The following TMEM132D variants were observed in gnomAD, a reference collection of about 807,000 sequenced individuals.
TMEM132D encodes the protein mature OL transmembrane protein.
Under a neutral mutation model 62.3 loss-of-function variants are expected in TMEM132D, and 21 were observed. The observed-to-expected ratio is 0.34, with a 90% CI of 0.24 to 0.49. TMEM132D has a LOEUF of 0.49. Ranked by LOEUF, TMEM132D falls within the 20% of genes least tolerant of loss-of-function variation. TMEM132D has a pLI of 0.99. For synonymous variants in TMEM132D, 621 were observed against 575.6 expected, an observed-to-expected ratio of 1.08 and a Z score of -1.13; for missense variants, 1,346 against 1,402.8, an observed-to-expected ratio of 0.96 and a Z score of 0.65.
chr12:129,574,222 G>T (rs907073588), intron 2 of TMEM132D, among the ~76,000 whole-genome samples: 4 of 151,946 alleles, frequency 2.6e-5, no homozygotes, highest in Non-Finnish European at 4.4e-5. Context: ...AGGATGAACA[G>T]ATTGATAGAT....
At chr12:129,823,576 C>T (rs1872589445) in intron 1 of TMEM132D, among the ~76,000 whole-genome samples, 1 of 152,206 alleles carries the variant, frequency 6.6e-6, no homozygotes, top group African/African-American at 2.4e-5. Context: ...GCACATTGGC[C>T]TTTCAGCCAT....
chr12:129,221,586 G>A (rs1357597741), intron 4 of TMEM132D, among the ~76,000 whole-genome samples: 1 of 152,132 alleles, frequency 6.6e-6, no homozygotes, highest in Non-Finnish European at 1.5e-5. Context: ...GATTTCTGCT[G>A]TAATGAGCTT....
chr12:129,320,309 A>G (rs1389669704), intron 4 of TMEM132D, among the ~76,000 whole-genome samples: 2 of 152,238 alleles, frequency 1.3e-5, no homozygotes, highest in Non-Finnish European at 2.9e-5. Flanking sequence ...CTCTGAGGAT[A>G]CTAATCAACC....
At chr12:129,801,107 T>A (rs1871763054) in intron 1 of TMEM132D, among the ~76,000 whole-genome samples, 1 of 152,000 alleles carries the variant, frequency 6.6e-6, no homozygotes, top group South Asian at 2.1e-4. Context: ...CAGTCTGAGA[T>A]CAAACTGCAA....
intron 1 of TMEM132D, among the ~76,000 whole-genome samples, chr12:129,869,761 G>A (rs1034410011): frequency 2.0e-5 from 3 of 152,166 alleles, no homozygotes; most frequent in Non-Finnish European, 4.4e-5. Context: ...GGAGATTTAC[G>A]TAAGAGGAGG....
chr12:129,699,235 A>G (rs1425020267), intron 2 of TMEM132D, among the ~76,000 whole-genome samples: 1 of 152,234 alleles, frequency 6.6e-6, no homozygotes, highest in East Asian at 1.9e-4. Flanking sequence ...ATATTCTTAT[A>G]TAAGAAACTC....
chr12:129,545,305 C>G (rs1374295630), intron 2 of TMEM132D, among the ~76,000 whole-genome samples: 2 of 152,192 alleles, frequency 1.3e-5, no homozygotes, highest in Admixed American at 6.5e-5. Flanking sequence ...ATTCCTGAAG[C>G]AAGATCTATG....
chr12:129,192,561 A>G (rs1347756205), intron 5 of TMEM132D, among the ~76,000 whole-genome samples: 1 of 152,194 alleles, frequency 6.6e-6, no homozygotes, highest in Non-Finnish European at 1.5e-5. Context: ...CATGAAAAAT[A>G]CCCCTTTTGG....
intron 3 of TMEM132D, among the ~76,000 whole-genome samples, chr12:129,397,464 T>A (rs1409054584): frequency 1.3e-5 from 2 of 152,150 alleles, no homozygotes; most frequent in Non-Finnish European, 2.9e-5. Context: ...CTACATGAAA[T>A]CTAGCTCTGG....
chr12:129,768,989 C>T (rs184615122), intron 1 of TMEM132D, among the ~76,000 whole-genome samples: 12 of 152,132 alleles, frequency 7.9e-5, no homozygotes, highest in Admixed American at 5.2e-4. Flanking sequence ...AAAAGCTCCT[C>T]GAGCCCACAT....
intron 5 of TMEM132D, among the ~76,000 whole-genome samples, chr12:129,129,044 T>A (rs1225611997): frequency 6.6e-6 from 1 of 152,192 alleles, no homozygotes; most frequent in African/African-American, 2.4e-5. Context: ...TACTTGGGTA[T>A]ATTGCATGAT....
chr12:129,600,782 A>C (rs968055700), intron 2 of TMEM132D, among the ~76,000 whole-genome samples: 1 of 152,072 alleles, frequency 6.6e-6, no homozygotes, highest in African/African-American at 2.4e-5. Flanking sequence ...TAAAATATTC[A>C]GTAGACAGAT....
intron 8 of TMEM132D, among the ~76,000 whole-genome samples, chr12:129,075,822 C>T (rs78964961): frequency 3.9e-5 from 6 of 152,176 alleles, no homozygotes; most frequent in African/African-American, 7.2e-5. Flanking sequence ...ATAGTTTGAC[C>T]AGGCAGATCA....
At chr12:129,431,732 T>C (rs568378458) in intron 3 of TMEM132D, among the ~76,000 whole-genome samples, 32 of 152,306 alleles carry the variant, frequency 2.1e-4, no homozygotes, top group African/African-American at 7.5e-4. Flanking sequence ...GTTTCCCATC[T>C]CACTCTGGGT....
chr12:129,099,788 G>A (rs1322909519), intron 5 of TMEM132D, among the ~76,000 whole-genome samples: 2 of 152,002 alleles, frequency 1.3e-5, no homozygotes, highest in Non-Finnish European at 1.5e-5. Flanking sequence ...CATTAAAAGT[G>A]GGAGCGAAAC....
intron 4 of TMEM132D, among the ~76,000 whole-genome samples, chr12:129,306,638 TC>T (rs1881852370): frequency 6.6e-6 from 1 of 152,208 alleles, no homozygotes; most frequent in South Asian, 2.1e-4. Context: ...TGGCAAATGA[TC>T]ATTATTTATG....
chr12:129,589,193 A>G (rs1475622954), intron 2 of TMEM132D, among the ~76,000 whole-genome samples: 1 of 152,118 alleles, frequency 6.6e-6, no homozygotes, highest in Admixed American at 6.5e-5. Context: ...TCATGGGGGT[A>G]GTTTACCCCA....
At chr12:129,861,423 GA>G (rs1340395857) in intron 1 of TMEM132D, among the ~76,000 whole-genome samples, 1 of 152,142 alleles carries the variant, frequency 6.6e-6, no homozygotes. Flanking sequence ...ACCAGGTTAG[GA>G]AAATGAGAGG....
chr12:129,567,946 A>C (rs1877413236), intron 2 of TMEM132D, among the ~76,000 whole-genome samples: 1 of 152,162 alleles, frequency 6.6e-6, no homozygotes, highest in Non-Finnish European at 1.5e-5. Flanking sequence ...TTGATGTCTG[A>C]CCACCATAGG....
Sources: allele counts gnomAD v4.1 joint callset (sites outside exome capture counted in the v4.1 genomes callset), GRCh38; gene constraint gnomAD v4.1.1; transcripts MANE v1.5; gene names NCBI Gene and HGNC (gene_info 2026-07-23, HGNC 2026-07-21).